The following ZMYND8 variants were observed in gnomAD, a reference collection of about 807,000 sequenced individuals.
ZMYND8 encodes the protein zinc finger MYND-type containing 8.
In ZMYND8, 37 loss-of-function variants were observed where a neutral mutation model predicts 140.8. The ratio of observed to expected loss-of-function variants is 0.26; its 90% CI spans 0.20 to 0.35. The LOEUF is 0.35. Ranked by LOEUF, ZMYND8 falls within the 10% of genes least tolerant of loss-of-function variation. ZMYND8 has a pLI of 1.00. For synonymous variants in ZMYND8, 592 were observed against 597.1 expected (o/e 0.99, Z 0.12); for missense variants, 1,068 against 1,570.0 (o/e 0.68, Z 5.40).
At chr20:47,240,443 C>T (rs1286420198) in intron 14 of ZMYND8, among the ~76,000 whole-genome samples, 3 of 149,856 alleles carry the variant, frequency 2.0e-5, no homozygotes, top group African/African-American at 7.4e-5. Flanking sequence ...GAACCCGGGA[C>T]GTGGAGGTTG....
At chr20:47,223,768 C>G (rs373246452) in intron 19 of ZMYND8, among the ~76,000 whole-genome samples, 2 of 148,174 alleles carry the variant, frequency 1.3e-5, no homozygotes, top group Admixed American at 1.4e-4. Flanking sequence ...AGAGGTTGCA[C>G]TAAGCCGAGA....
chr20:47,356,484 T>G (rs2083250748), intron 1 of ZMYND8, 173 bp downstream of exon 1: 1 of 1,587,404 alleles, frequency 6.3e-7, no homozygotes, highest in Non-Finnish European at 8.5e-7. Context: ...TAATGGCTAC[T>G]GAGCCATGTG....
intron 10 of ZMYND8, among the ~76,000 whole-genome samples, chr20:47,280,907 T>C (rs1157793385): frequency 6.6e-6 from 1 of 152,170 alleles, no homozygotes; most frequent in Admixed American, 6.5e-5. Context: ...TCCCGACCTC[T>C]GCTCTTCCTG....
rs1390442521 is a variant in ZMYND8 at position 47,334,967 on chromosome 20, C to T, written c.85+12889G>A. Among the ~76,000 whole-genome samples, 3 of 152,072 alleles carry T rather than the reference C, an allele frequency of 2.0e-5. No homozygotes were observed. In the East Asian group the frequency reaches 5.9e-4, roughly 30 times the overall value. ...TTCACTTTAAATGGAGAACTGGGCC[C>T]AGGAGTGGTGGCTCACACCAGCAAT... On this transcript the variant is annotated intron_variant, in intron 2 of 22. Coordinates refer to ENST00000471951, the MANE Select transcript of ZMYND8 (RefSeq NM_001281775.3).
intron 2 of ZMYND8, among the ~76,000 whole-genome samples, chr20:47,331,000 G>T (rs1020412787): frequency 1.3e-5 from 2 of 152,220 alleles, no homozygotes; most frequent in Non-Finnish European, 2.9e-5. Flanking sequence ...ATGGGCAAAG[G>T]CCCTGAGGCT....
At chr20:47,336,390 G>A (rs1018133997) in intron 2 of ZMYND8, among the ~76,000 whole-genome samples, 4 of 152,100 alleles carry the variant, frequency 2.6e-5, no homozygotes, top group Non-Finnish European at 4.4e-5. Context: ...CCCTTGTGCC[G>A]GTGACATTAC....
At chr20:47,344,269 C>T (rs1337259331) in intron 2 of ZMYND8, among the ~76,000 whole-genome samples, 2 of 152,102 alleles carry the variant, frequency 1.3e-5, no homozygotes, top group Non-Finnish European at 2.9e-5. Flanking sequence ...TGAGCCACTG[C>T]ACAAGGCCAA....
chr20:47,256,297 T>C (rs540908350), intron 12 of ZMYND8, among the ~76,000 whole-genome samples: 3 of 147,636 alleles, frequency 2.0e-5, no homozygotes, highest in South Asian at 4.3e-4. Flanking sequence ...CTGGGAAACA[T>C]AGCGAGACCC....
intron 13 of ZMYND8, among the ~76,000 whole-genome samples, chr20:47,248,117 G>C (rs1568985202): frequency 6.6e-6 from 1 of 152,132 alleles, no homozygotes; most frequent in Non-Finnish European, 1.5e-5. Flanking sequence ...TTTTATTACT[G>C]GTGTGACCCT....
chr20:47,268,929 A>G lies in ZMYND8; in HGVS notation c.1481-6501T>C, dbSNP rs895101156. ...GAAGAGATATGACAAGGCCGGACGC[A>G]GTGGCTCACACCTGTAATCCCAGCA... is the stretch of plus-strand genomic sequence containing the variant. On this transcript the variant is annotated intron_variant, in intron 11 of 22. Transcript: ENST00000471951. Among the ~76,000 whole-genome samples the G allele has an allele frequency of 2.6e-4, 39 of 152,132 alleles. 1 individual carries two copies. The highest frequency in any genetic ancestry group is 8.9e-4 in the African/African-American group (37 of 41,440).
At chr20:47,221,215 C>G in intron 20 of ZMYND8, 99 bp downstream of exon 20, 1 of 1,498,094 alleles carries the variant, frequency 6.7e-7, no homozygotes, top group Non-Finnish European at 9.0e-7. Context: ...GGACAAGCCT[C>G]CCACAACACG....
At chr20:47,212,439 T>C (rs1442651503) in intron 22 of ZMYND8, among the ~76,000 whole-genome samples, 1 of 152,184 alleles carries the variant, frequency 6.6e-6, no homozygotes, top group African/African-American at 2.4e-5. Flanking sequence ...CCAGGCCACA[T>C]GCTCGCTCTC....
chr20:47,247,168 G>A (rs1485987273), intron 13 of ZMYND8, among the ~76,000 whole-genome samples: 1 of 152,212 alleles, frequency 6.6e-6, no homozygotes, highest in East Asian at 1.9e-4. Context: ...ATTTATAAAT[G>A]TGTTGTCCAA....
At chr20:47,284,437 A>G (rs1392428146) in intron 8 of ZMYND8, among the ~76,000 whole-genome samples, 3 of 152,222 alleles carry the variant, frequency 2.0e-5, no homozygotes, top group Non-Finnish European at 2.9e-5. Context: ...GATGTACACA[A>G]TAGTCCCTGC....
rs1220595552 is a variant in ZMYND8 at position 47,309,967 on chromosome 20, AG to A, written c.234+88del. On this transcript the variant is annotated intron_variant, in intron 3 of 22. Transcript: ENST00000471951. ...CAAGGCAGCTAACTAAATCCAAGAA[AG>A]CCGGCGCTTACAAGGATCCAGAGGT... The A allele has an allele frequency of 3.9e-6, 6 of 1,556,726 alleles. No homozygotes were observed. In the African/African-American group the frequency reaches 8.3e-5, roughly 22 times the overall value.
intron 1 of ZMYND8, chr20:47,355,601 A>C: frequency 1.6e-6 from 1 of 624,160 alleles, no homozygotes; most frequent in Non-Finnish European, 2.0e-6. Flanking sequence ...CAACCCAACA[A>C]CTGAATATGG....
chr20:47,322,746 C>A (rs1312821471), intron 2 of ZMYND8, among the ~76,000 whole-genome samples: 2 of 152,128 alleles, frequency 1.3e-5, no homozygotes, highest in African/African-American at 4.8e-5. Flanking sequence ...AGGTGAGGCT[C>A]AGAGAGGCAA....
intron 17 of ZMYND8, among the ~76,000 whole-genome samples, chr20:47,227,819 G>A (rs180971533): frequency 6.6e-6 from 1 of 152,188 alleles, no homozygotes; most frequent in African/African-American, 2.4e-5. Flanking sequence ...TTGGCCAGGT[G>A]CGGTGGCTCG....
chr20:47,356,470 T>C (rs960556804), intron 1 of ZMYND8, 187 bp downstream of exon 1: 74 of 1,568,298 alleles, frequency 4.7e-5, no homozygotes, highest in Non-Finnish European at 6.3e-5. Context: ...AATCAAGCTA[T>C]GGCTAATGGC....
Sources: gnomAD v4.1 joint callset for allele counts (sites outside exome capture counted in the v4.1 genomes callset) on GRCh38, gnomAD v4.1.1 for gene constraint, MANE v1.5 for transcripts, NCBI Gene and HGNC (gene_info 2026-07-23, HGNC 2026-07-21) for gene names.